The following SLIT3 variants were observed in gnomAD, a reference collection of about 807,000 sequenced individuals.
The protein encoded by SLIT3 is slit homolog 3 protein.
SLIT3 carries 68 observed loss-of-function variants against 184.0 expected under a neutral mutation model. The observed-to-expected ratio is 0.37, with a 90% CI of 0.30 to 0.45. SLIT3 has a LOEUF of 0.45. Among genes scored for constraint, SLIT3 ranks in the 20% least tolerant of loss-of-function variants. SLIT3 has a pLI of 1.00. For missense variants in SLIT3, 1,707 were observed against 2,026.0 expected (o/e 0.84, Z 3.02); for synonymous variants, 831 against 828.6 (o/e 1.00, Z -0.05).
At chr5:169,248,468 A>T (rs1263295851) in intron 2 of SLIT3, among the ~76,000 whole-genome samples, 1 of 152,098 alleles carries the variant, frequency 6.6e-6, no homozygotes, top group Non-Finnish European at 1.5e-5. Flanking sequence ...CTGGGCTGAG[A>T]TGCAAGCCAG....
chr5:169,254,138 T>C (rs776167374), intron 1 of SLIT3, among the ~76,000 whole-genome samples: 23 of 152,186 alleles, frequency 1.5e-4, no homozygotes, highest in Non-Finnish European at 2.9e-4. Context: ...TTACATTCTC[T>C]GGGCCTGCAT....
chr5:169,054,372 G>A lies in SLIT3; in HGVS notation c.413+139107C>T, dbSNP rs977127150. ...GAGGCTTTGGAGAGAGCCTGGCCCTGTCCACACCTGGATTTTGGACTTCTA... is the reference window on the plus strand; with the variant it reads ...GAGGCTTTGGAGAGAGCCTGGCCCTATCCACACCTGGATTTTGGACTTCTA... On this transcript the variant is annotated intron_variant, in intron 4 of 35. Transcript: ENST00000519560. 2.9e-4 allele frequency among the ~76,000 whole-genome samples: 44 copies of A among 152,126 alleles called. 1 individual carries two copies. Among genetic ancestry groups the A allele is most frequent in the Admixed American group, 2.7e-3 (41 of 15,278 alleles).
intron 3 of SLIT3, among the ~76,000 whole-genome samples, chr5:169,206,000 G>C (rs114430682): frequency 6.6e-6 from 1 of 152,324 alleles, no homozygotes; most frequent in Non-Finnish European, 1.5e-5. Flanking sequence ...CTTACACCAG[G>C]TGGGACATCC....
chr5:169,254,488 T>C (rs1002778380), intron 1 of SLIT3, among the ~76,000 whole-genome samples: 1 of 152,080 alleles, frequency 6.6e-6, no homozygotes, highest in Admixed American at 6.6e-5. Context: ...TTCTTTCTTT[T>C]TTTTTTTTAA....
chr5:169,007,321 A>G (rs778287932), intron 4 of SLIT3, among the ~76,000 whole-genome samples: 1 of 152,196 alleles, frequency 6.6e-6, no homozygotes, highest in Non-Finnish European at 1.5e-5. Context: ...CAACCTGTAT[A>G]CTGCCAAGTC....
intron 3 of SLIT3, among the ~76,000 whole-genome samples, chr5:169,229,670 C>CTCTCTCTCTCTCTCTCTCTCTCTCTCT (rs1764931083): frequency 6.8e-6 from 1 of 147,954 alleles, no homozygotes; most frequent in African/African-American, 2.5e-5. Context: ...CTCTCTCTCT[C>CTCTCTCTCTCTCTCTCTCTCTCTCTCT]CTTATTCATC....
At chr5:169,289,206 G>A (rs953498291) in intron 1 of SLIT3, among the ~76,000 whole-genome samples, 7 of 152,044 alleles carry the variant, frequency 4.6e-5, no homozygotes, top group South Asian at 2.1e-4. Flanking sequence ...TACTCATTTC[G>A]GCTTACATCC....
chr5:169,099,986 A>T (rs1436657953), intron 4 of SLIT3, among the ~76,000 whole-genome samples: 1 of 152,166 alleles, frequency 6.6e-6, no homozygotes, highest in African/African-American at 2.4e-5. Flanking sequence ...TTTCCTGGGG[A>T]GCAGATGTCA....
At chr5:168,789,826 A>G in intron 10 of SLIT3, 195 bp from the exon 11 acceptor site, 3 of 555,476 alleles carry the variant, frequency 5.4e-6, no homozygotes, top group Non-Finnish European at 6.4e-6. Context: ...AAAGTGCACC[A>G]CATTTACATC....
intron 4 of SLIT3, among the ~76,000 whole-genome samples, chr5:169,136,306 G>A (rs1761500189): frequency 6.6e-6 from 1 of 152,274 alleles, no homozygotes; most frequent in South Asian, 2.1e-4. Context: ...TCAGGGCATT[G>A]CCTTTTTGAA....
At chr5:168,961,271 C>T (rs961552497) in intron 4 of SLIT3, among the ~76,000 whole-genome samples, 22 of 152,242 alleles carry the variant, frequency 1.4e-4, no homozygotes, top group Non-Finnish European at 1.3e-4. Flanking sequence ...ATAGCCAGCA[C>T]ATCCACTCAT....
In SLIT3 at chr5:169,040,536, CT is replaced by C. The variant is rs558782717; in HGVS notation, c.413+152942del. Among the ~76,000 whole-genome samples the C allele has an allele frequency of 1.2e-4, 18 of 152,348 alleles. No homozygotes were observed. The East Asian group carries it at 3.5e-3, about 29-fold the overall frequency. On this transcript the variant is annotated intron_variant, in intron 4 of 35. Transcript: ENST00000519560. ...CTCATCCCCATCCTGCCCTTGACAA[CT>C]TAATTTCCTCTCCTCTTTGGGAGAC...
At chr5:169,182,330 G>A (rs1355158884) in intron 4 of SLIT3, among the ~76,000 whole-genome samples, 1 of 152,250 alleles carries the variant, frequency 6.6e-6, no homozygotes, top group African/African-American at 2.4e-5. Flanking sequence ...GGTTTGGACA[G>A]TGCTGTGTTA....
chr5:168,795,373 G>T, intron 10 of SLIT3, 134 bp downstream of exon 10: 2 of 711,108 alleles, frequency 2.8e-6, no homozygotes, highest in South Asian at 1.6e-5. Context: ...TTAGGACAGC[G>T]TTCCAGGTCT....
intron 4 of SLIT3, among the ~76,000 whole-genome samples, chr5:168,889,152 A>G (rs1487601012): frequency 3.9e-5 from 6 of 152,220 alleles, no homozygotes; most frequent in Non-Finnish European, 5.9e-5. Context: ...CATGCAGGAA[A>G]AATTATCCCC....
In SLIT3 at chr5:169,003,377, C is replaced by T. The variant is rs569581471; in HGVS notation, c.414-120041G>A. 3.3e-5 allele frequency among the ~76,000 whole-genome samples: 5 copies of T among 152,314 alleles called. No individual in the cohort carries two copies. In the South Asian group the frequency reaches 6.2e-4, roughly 19 times the overall value. On this transcript the variant is annotated intron_variant, in intron 4 of 35. Coordinates refer to ENST00000519560, the MANE Select transcript of SLIT3 (RefSeq NM_003062.4). The stretch of plus-strand genomic sequence containing the variant: ...AGTCCTACTGAGTGTCTGCAGTACC[C>T]TCTGTGGGAGTCTGACCCTGCTCAG...
At chr5:168,713,591 T>C (rs1167211615) in intron 23 of SLIT3, among the ~76,000 whole-genome samples, 3 of 152,364 alleles carry the variant, frequency 2.0e-5, no homozygotes, top group Non-Finnish European at 2.9e-5. Flanking sequence ...CAGTGAGTCC[T>C]AGTAGAACAA....
intron 20 of SLIT3, among the ~76,000 whole-genome samples, chr5:168,729,969 A>G (rs1763245434): frequency 6.6e-6 from 1 of 152,138 alleles, no homozygotes; most frequent in Admixed American, 6.5e-5. Context: ...TATCCTGCCT[A>G]CAAGAAACTT....
At chr5:168,726,984 C>T (rs1454902525) in intron 20 of SLIT3, among the ~76,000 whole-genome samples, 1 of 148,266 alleles carries the variant, frequency 6.7e-6, no homozygotes, top group Non-Finnish European at 1.5e-5. Flanking sequence ...ACACTCCAGC[C>T]TGGGCGACAA....
Sources: allele counts gnomAD v4.1 joint callset (sites outside exome capture counted in the v4.1 genomes callset), GRCh38; gene constraint gnomAD v4.1.1; transcripts MANE v1.5; gene names NCBI Gene and HGNC (gene_info 2026-07-23, HGNC 2026-07-21).